Variants in NPSR1 observed in about 807,000 individuals in gnomAD.
NPSR1 encodes the protein neuropeptide S receptor 1.
A neutral mutation model predicts 46.9 loss-of-function variants in NPSR1; 48 were observed. The ratio of observed to expected loss-of-function variants is 1.02; its 90% confidence interval spans 0.81 to 1.30. The LOEUF (loss-of-function observed/expected upper bound fraction) is 1.30, where lower values mean the gene tolerates loss of function less well. Ranked by LOEUF, NPSR1 falls within the 50% of genes most tolerant of loss-of-function variation. The probability of loss-of-function intolerance (pLI) is 0.00; values close to 1 mark genes in which losing one functional copy is unlikely to be tolerated. For missense variants in NPSR1, 450 were observed against 449.5 expected (o/e 1.00, Z -0.01); for synonymous variants, 176 against 168.1 (o/e 1.05, Z -0.36).
intron 4 of NPSR1, among the ~76,000 whole-genome samples, chr7:34,821,771 T>G (rs532839882): frequency 1.2e-4 from 18 of 152,174 alleles, no homozygotes; most frequent in Non-Finnish European, 2.6e-4. Context: ...GCAATTAATA[T>G]TATAGTGCTT....
chr7:34,660,501 C>T (rs553509750), intron 1 of NPSR1, among the ~76,000 whole-genome samples: 24 of 151,908 alleles, frequency 1.6e-4, no homozygotes, highest in Admixed American at 5.2e-4. Flanking sequence ...AGAAGAAATT[C>T]GAAACCATGC....
At position 34,778,467 on chromosome 7, in the gene NPSR1, T is replaced by C; in HGVS notation, c.286T>C (p.Phe96Leu). ...FVTQLAITDS[F>L]TGLVNILTDI... ...CACTTGTACGTTTTTGTTAGATTCT[T>C]TCACAGGACTGGTCAACATCTTGAC... The change falls in exon 3 of 9, where the codon TTC becomes CTC. Residue 96 changes from phenylalanine to leucine, a missense_variant. Transcript: ENST00000360581. 6.3e-7 allele frequency: 1 copy of C among 1,589,848 alleles called. No individual in the cohort carries two copies. Among genetic ancestry groups the C allele is most frequent in the Non-Finnish European group, 8.6e-7 (1 of 1,160,610 alleles).
chr7:34,699,025 G>A (rs1163416141), intron 2 of NPSR1, among the ~76,000 whole-genome samples: 1 of 152,112 alleles, frequency 6.6e-6, no homozygotes, highest in Non-Finnish European at 1.5e-5. Flanking sequence ...GTCAAGATAA[G>A]CACATATTCA....
intron 2 of NPSR1, among the ~76,000 whole-genome samples, chr7:34,768,928 G>C (rs2128732278): frequency 6.6e-6 from 1 of 152,226 alleles, no homozygotes; most frequent in East Asian, 1.9e-4. Context: ...ATGGGTTCCT[G>C]GCTTGGGTGT....
intron 5 of NPSR1, among the ~76,000 whole-genome samples, chr7:34,831,255 ACTCT>A (rs1217436338): frequency 1.3e-5 from 2 of 149,256 alleles, no homozygotes; most frequent in Non-Finnish European, 3.0e-5. Flanking sequence ...GTGTCATGTC[ACTCT>A]CTCTACTCTT....
intron 1 of NPSR1, among the ~76,000 whole-genome samples, chr7:34,670,201 C>T (rs1791977838): frequency 6.6e-6 from 1 of 151,994 alleles, no homozygotes; most frequent in Non-Finnish European, 1.5e-5. Flanking sequence ...AGATGTTTCC[C>T]TATTAGTTAT....
chr7:34,742,909 G>T (rs568954173), intron 2 of NPSR1, among the ~76,000 whole-genome samples: 38 of 152,312 alleles, frequency 2.5e-4, no homozygotes, highest in African/African-American at 8.4e-4. Flanking sequence ...AATAATCAGT[G>T]ATATTGAGCT....
chr7:34,743,396 G>T (rs950204887), intron 2 of NPSR1, among the ~76,000 whole-genome samples: 2 of 151,450 alleles, frequency 1.3e-5, no homozygotes, highest in Non-Finnish European at 2.9e-5. Context: ...ACTATTTATT[G>T]AATCAGGAGT....
chr7:34,698,768 A>G (rs143692668), intron 2 of NPSR1, among the ~76,000 whole-genome samples: 232 of 152,314 alleles, frequency 1.5e-3, no homozygotes, highest in African/African-American at 5.4e-3. Flanking sequence ...TAGACAAATC[A>G]TATGTTTGAC....
intron 2 of NPSR1, among the ~76,000 whole-genome samples, chr7:34,695,543 C>T (rs996362866): frequency 1.3e-5 from 2 of 152,140 alleles, no homozygotes; most frequent in African/African-American, 4.8e-5. Flanking sequence ...GAAGTATTTG[C>T]AGATTATTTC....
chr7:34,668,991 G>C (rs1791900825), intron 1 of NPSR1, among the ~76,000 whole-genome samples: 1 of 152,162 alleles, frequency 6.6e-6, no homozygotes, highest in South Asian at 2.1e-4. Flanking sequence ...CTTTGATTTA[G>C]AGAGAAGAAA....
At chr7:34,763,389 T>A (rs1786271371) in intron 2 of NPSR1, among the ~76,000 whole-genome samples, 1 of 152,208 alleles carries the variant, frequency 6.6e-6, no homozygotes. Flanking sequence ...AATGTACTAC[T>A]TCATTTAATG....
chr7:34,698,828 T>C (rs1793674410), intron 2 of NPSR1, among the ~76,000 whole-genome samples: 1 of 152,214 alleles, frequency 6.6e-6, no homozygotes, highest in South Asian at 2.1e-4. Context: ...TAGGATTTTC[T>C]TCTCCTAATG....
chr7:34,698,195 A>C (rs1003715908), intron 2 of NPSR1, among the ~76,000 whole-genome samples: 5 of 152,158 alleles, frequency 3.3e-5, no homozygotes, highest in African/African-American at 1.2e-4. Context: ...CAAAGACAGG[A>C]GGGCTTCTAA....
intron 2 of NPSR1, among the ~76,000 whole-genome samples, chr7:34,721,609 A>T (rs1031894245): frequency 6.6e-6 from 1 of 152,376 alleles, no homozygotes; most frequent in Non-Finnish European, 1.5e-5. Context: ...CCAAAGTTTC[A>T]GGTAGCACAA....
At chr7:34,665,864 A>G (rs1167488246) in intron 1 of NPSR1, among the ~76,000 whole-genome samples, 2 of 152,138 alleles carry the variant, frequency 1.3e-5, no homozygotes, top group Non-Finnish European at 2.9e-5. Flanking sequence ...ACACAGTGAC[A>G]GACACACATG....
At chr7:34,741,064 G>GTACAT (rs1261764513) in intron 2 of NPSR1, among the ~76,000 whole-genome samples, 2 of 152,154 alleles carry the variant, frequency 1.3e-5, no homozygotes, top group African/African-American at 2.4e-5. Context: ...ATCTTATGGA[G>GTACAT]GCACTCTTGT....
chr7:34,705,599 A>ATC lies in NPSR1; in HGVS notation c.280+20940_280+20941dup, dbSNP rs60599463. Among the ~76,000 whole-genome samples the ATC allele has an allele frequency of 2.8e-3, 419 of 147,296 alleles. 1 individual carries two copies. The highest frequency in any genetic ancestry group is 7.0e-3 in the Middle Eastern group (2 of 286). ...AATGTATGTTTGTGTATGTATGTTG[A>ATC]TCTCTCTCTCTCTCTCTCTCTCTCT... is the stretch of plus-strand genomic sequence containing the variant. On this transcript the variant is annotated intron_variant, in intron 2 of 8. Transcript: ENST00000360581.
At chr7:34,755,028 G>C (rs1785751369) in intron 2 of NPSR1, among the ~76,000 whole-genome samples, 1 of 152,144 alleles carries the variant, frequency 6.6e-6, no homozygotes, top group Non-Finnish European at 1.5e-5. Context: ...CCGTTCATCA[G>C]TTGATGATTA....
Sources: allele counts gnomAD v4.1 joint callset (sites outside exome capture counted in the v4.1 genomes callset), GRCh38; gene constraint gnomAD v4.1.1; transcripts MANE v1.5; gene names NCBI Gene and HGNC (gene_info 2026-07-23, HGNC 2026-07-21).